The following SYT14 variants were observed in gnomAD, a reference collection of about 807,000 sequenced individuals.
SYT14 encodes synaptotagmin-14.
In SYT14, 32 loss-of-function variants were observed where a neutral mutation model predicts 74.2. The ratio of observed to expected loss-of-function variants is 0.43; its 90% CI spans 0.33 to 0.58. The LOEUF is 0.58. SYT14 is among the 20% of genes least tolerant of loss of function. The pLI is 0.05. For synonymous variants in SYT14, 298 were observed against 337.7 expected, an observed-to-expected ratio of 0.88 and a Z score of 1.29; for missense variants, 791 against 981.8, an observed-to-expected ratio of 0.81 and a Z score of 2.60.
intron 2 of SYT14, among the ~76,000 whole-genome samples, chr1:209,960,282 C>T (rs2079057759): frequency 6.6e-6 from 1 of 152,084 alleles, no homozygotes; most frequent in Non-Finnish European, 1.5e-5. Flanking sequence ...GAATGGCAGT[C>T]TGTTTTTGGA....
chr1:210,016,006 G>A, exon 4 of SYT14: 2 of 1,231,972 alleles, frequency 1.6e-6, no homozygotes, highest in African/African-American at 1.5e-5. Flanking sequence ...ATTAGAAAAT[G>A]GCATTTTTCA....
chr1:210,001,763 G>T (rs2079905018), intron 2 of SYT14, among the ~76,000 whole-genome samples: 1 of 152,144 alleles, frequency 6.6e-6, no homozygotes, highest in South Asian at 2.1e-4. Context: ...CGAAGGAGGT[G>T]AAAGAATCAG....
chr1:210,160,680 G>C (rs757724412), intron 9 of SYT14, 49 bp from the exon 9 acceptor site: 14 of 1,551,490 alleles, frequency 9.0e-6, no homozygotes, highest in East Asian at 4.6e-5. Flanking sequence ...AAATTGTTTT[G>C]AGTTTGTTTC....
intron 2 of SYT14, among the ~76,000 whole-genome samples, chr1:209,964,308 T>C (rs2079121856): frequency 6.6e-6 from 1 of 152,132 alleles, no homozygotes; most frequent in Admixed American, 6.5e-5. Context: ...TGTAGAACTG[T>C]GAGTCAATTA....
chr1:210,092,817 A>G (rs2081899410), intron 5 of SYT14, among the ~76,000 whole-genome samples: 1 of 152,190 alleles, frequency 6.6e-6, no homozygotes, highest in Non-Finnish European at 1.5e-5. Flanking sequence ...GTATGGTTTC[A>G]TCTGTACCAA....
Position 210,160,736 on chromosome 1 carries a change from TGTTAA to T in SYT14, c.2295_2299del (p.Lys765AsnfsTer27). On this transcript the variant is annotated frameshift_variant, in exon 10 of 10. Coordinates refer to ENST00000637265, the Ensembl canonical transcript of SYT14. LOFTEE classifies it high-confidence loss of function. ...TGTCTTTTTCTTCTTTAGATACATATGTTAAGTTAACTCTACTGAATTCCATGGGT... is the reference window on the plus strand; with the variant it reads ...TGTCTTTTTCTTCTTTAGATACATATGTTAACTCTACTGAATTCCATGGGT... The T allele has an allele frequency of 3.1e-6, 5 of 1,613,454 alleles. No homozygotes were observed. The highest frequency in any genetic ancestry group is 1.7e-5 in the Admixed American group (1 of 59,956).
At chr1:210,145,498 C>T (rs1186594317) in intron 7 of SYT14, among the ~76,000 whole-genome samples, 2 of 152,154 alleles carry the variant, frequency 1.3e-5, no homozygotes, top group East Asian at 3.9e-4. Context: ...ATGATAGGCA[C>T]TGTACTAATT....
chr1:210,039,483 T>G (rs1339918596), intron 5 of SYT14, among the ~76,000 whole-genome samples: 2 of 152,136 alleles, frequency 1.3e-5, no homozygotes, highest in Non-Finnish European at 1.5e-5. Flanking sequence ...GGCAAAGATT[T>G]CATGACTAAA....
At chr1:210,050,068 G>C (rs1454535127) in intron 5 of SYT14, among the ~76,000 whole-genome samples, 2 of 152,064 alleles carry the variant, frequency 1.3e-5, no homozygotes, top group Non-Finnish European at 2.9e-5. Flanking sequence ...TCAGAAAATG[G>C]GATTTTCTTT....
chr1:210,033,613 G>A (rs536981870), intron 5 of SYT14, among the ~76,000 whole-genome samples: 1 of 151,802 alleles, frequency 6.6e-6, no homozygotes, highest in African/African-American at 2.4e-5. Context: ...TTATATTTCA[G>A]TCTGAGTTGT....
rs575748167 is a variant in SYT14, at chr1:210,085,349, A to G, written c.1313-8973A>G. On this transcript the variant is annotated intron_variant, in intron 5 of 9. Coordinates refer to ENST00000637265, the Ensembl canonical transcript of SYT14. ...TAATGACTGTTATTTTTCTCTTTCC[A>G]ATCATTTTACATCTTCTTTTTCTCC... Among the ~76,000 whole-genome samples the G allele has an allele frequency of 1.2e-4, 19 of 152,292 alleles. No individual in the cohort carries two copies. In the South Asian group the frequency reaches 3.3e-3, roughly 27 times the overall value.
chr1:210,129,354 C>T (rs2102633902), intron 7 of SYT14, among the ~76,000 whole-genome samples: 1 of 152,252 alleles, frequency 6.6e-6, no homozygotes, highest in South Asian at 2.1e-4. Flanking sequence ...ACATAATGGC[C>T]GTCTTGAAAC....
intron 2 of SYT14, among the ~76,000 whole-genome samples, chr1:210,009,333 G>T (rs144492584): frequency 1.3e-5 from 2 of 152,072 alleles, no homozygotes; most frequent in African/African-American, 4.8e-5. Context: ...AAGATTTTTA[G>T]TATTTTTATT....
At chr1:210,119,302 A>C (rs542110501) in intron 7 of SYT14, among the ~76,000 whole-genome samples, 1 of 152,190 alleles carries the variant, frequency 6.6e-6, no homozygotes, top group Non-Finnish European at 1.5e-5. Context: ...AAAACTGGGA[A>C]ATACTAATTG....
intron 4 of SYT14, among the ~76,000 whole-genome samples, chr1:210,018,965 G>A (rs1258746335): frequency 1.3e-4 from 19 of 151,712 alleles, no homozygotes; most frequent in Admixed American, 6.6e-4. Flanking sequence ...GTGAAACCCC[G>A]TCTCTACTAA....
chr1:210,115,701 C>T (rs979941717), intron 7 of SYT14, among the ~76,000 whole-genome samples: 2 of 151,188 alleles, frequency 1.3e-5, no homozygotes, highest in African/African-American at 2.5e-5. Flanking sequence ...GCCACTTACC[C>T]GATTTAAAAT....
intron 7 of SYT14, among the ~76,000 whole-genome samples, chr1:210,145,558 C>T (rs1027651853): frequency 2.6e-5 from 4 of 152,182 alleles, no homozygotes; most frequent in Admixed American, 6.6e-5. Flanking sequence ...TGAAGGGACT[C>T]ACAGTCTAGT....
At chr1:210,022,544 G>C (rs1251934167) in intron 5 of SYT14, among the ~76,000 whole-genome samples, 1 of 152,164 alleles carries the variant, frequency 6.6e-6, no homozygotes, top group Non-Finnish European at 1.5e-5. Context: ...TTGAGATCTG[G>C]TCCTTGTTAA....
intron 1 of SYT14, among the ~76,000 whole-genome samples, chr1:209,941,662 C>T (rs1172494712): frequency 1.1e-4 from 17 of 152,184 alleles, no homozygotes; most frequent in Admixed American, 4.6e-4. Context: ...CGTAATTGCA[C>T]GCATTGAACA....
Sources: allele counts gnomAD v4.1 joint callset (sites outside exome capture counted in the v4.1 genomes callset), GRCh38; gene constraint gnomAD v4.1.1; transcripts MANE v1.5; gene names NCBI Gene and HGNC (gene_info 2026-07-23, HGNC 2026-07-21).